CNOT1: variants seen among roughly 807,000 people sequenced by gnomAD.
The protein encoded by CNOT1 is CCR4-NOT transcription complex subunit 1.
Under a neutral mutation model 273.8 loss-of-function variants are expected in CNOT1, and 15 were observed. The observed-to-expected ratio is 0.05, with a 90% CI of 0.04 to 0.08. The LOEUF (loss-of-function observed/expected upper bound fraction) is 0.08. Ranked by LOEUF, CNOT1 falls within the 10% of genes least tolerant of loss-of-function variation. The pLI is 1.00. For synonymous variants in CNOT1, 1,022 were observed against 1,005.5 expected, an observed-to-expected ratio of 1.02 and a Z score of -0.31; for missense variants, 1,644 against 2,912.2, an observed-to-expected ratio of 0.56 and a Z score of 10.02.
chr16:58,574,886 G>A, intron 15 of CNOT1, 121 bp downstream of exon 15: 1 of 1,558,930 alleles, frequency 6.4e-7, no homozygotes, highest in Non-Finnish European at 8.6e-7. Context: ...ATTTAAAAAA[G>A]TTGTTTCTTT....
intron 8 of CNOT1, 41 bp from the exon 9 acceptor site, chr16:58,583,223 C>A (rs1372268586): frequency 6.2e-7 from 1 of 1,602,330 alleles, no homozygotes; most frequent in Admixed American, 1.7e-5. Flanking sequence ...CTACCAGCCT[C>A]AACACCGAGA....
intron 8 of CNOT1, among the ~76,000 whole-genome samples, chr16:58,584,800 A>G (rs2041780118): frequency 6.6e-6 from 1 of 152,230 alleles, no homozygotes; most frequent in Non-Finnish European, 1.5e-5. Flanking sequence ...AAGCACATTA[A>G]TCCCCTTAAT....
intron 34 of CNOT1, among the ~76,000 whole-genome samples, chr16:58,541,149 G>A (rs1482600891): frequency 6.6e-6 from 1 of 152,188 alleles, no homozygotes; most frequent in African/African-American, 2.4e-5. Context: ...AGGTTGCAAT[G>A]AGCTGAGATC....
intron 20 of CNOT1, 115 bp downstream of exon 20, chr16:58,555,668 CA>C (rs989975231): frequency 3.1e-5 from 48 of 1,543,986 alleles, no homozygotes; most frequent in Admixed American, 1.0e-4. Context: ...ATTAAGGTTT[CA>C]AAACACAAAC....
chr16:58,524,136 G>C (rs1186904680), intron 46 of CNOT1, among the ~76,000 whole-genome samples: 3 of 151,398 alleles, frequency 2.0e-5, no homozygotes, highest in Non-Finnish European at 2.9e-5. Context: ...TGTAATCCCA[G>C]CTCCTCGGGA....
At chr16:58,573,984 C>G (rs1322587774) in intron 16 of CNOT1, among the ~76,000 whole-genome samples, 1 of 152,060 alleles carries the variant, frequency 6.6e-6, no homozygotes, top group East Asian at 1.9e-4. Flanking sequence ...GGTATGGTGA[C>G]TCACACCTGT....
chr16:58,608,628 G>T lies in CNOT1; in HGVS notation c.-174-9117C>A, dbSNP rs921842883. ...ATCCCACCTACTGGGTATCTGTCCA[G>T]AAGAAAAGAAATTATTATACAAAAA... is the stretch of plus-strand genomic sequence containing the variant. On this transcript the variant is annotated intron_variant, in intron 1 of 48. Transcript: ENST00000317147. Among the ~76,000 whole-genome samples the T allele has an allele frequency of 4.2e-4, 60 of 143,624 alleles. 1 individual carries two copies. The highest frequency in any genetic ancestry group is 3.6e-3 in the Middle Eastern group (1 of 274). 94.2% of individuals were successfully genotyped at this position (143,624 alleles called of 152,430 possible). A position where few individuals can be genotyped will look rare whatever the true frequency, so the allele number is the denominator to read the frequency against.
intron 22 of CNOT1, among the ~76,000 whole-genome samples, chr16:58,552,462 C>A (rs2040484263): frequency 6.6e-6 from 1 of 152,156 alleles, no homozygotes; most frequent in African/African-American, 2.4e-5. Context: ...CTCTCTCTGG[C>A]TATCTTGCTA....
intron 1 of CNOT1, among the ~76,000 whole-genome samples, chr16:58,623,769 G>A (rs975299128): frequency 3.3e-5 from 5 of 152,124 alleles, no homozygotes; most frequent in South Asian, 2.1e-4. Flanking sequence ...TGGGTCGATC[G>A]CTTGAAGTCA....
intron 13 of CNOT1, among the ~76,000 whole-genome samples, chr16:58,578,169 A>T (rs748827299): frequency 6.6e-6 from 1 of 152,150 alleles, no homozygotes; most frequent in African/African-American, 2.4e-5. Context: ...ATTATTAAAT[A>T]TTGGCCGGGT....
chr16:58,532,482 T>G (rs572482239), intron 40 of CNOT1, 87 bp from the exon 41 acceptor site: 38 of 1,532,738 alleles, frequency 2.5e-5, no homozygotes, highest in Non-Finnish European at 3.2e-5. Flanking sequence ...TTTGCATTCT[T>G]AAACCCAACA....
chr16:58,547,061 C>A lies in CNOT1; in HGVS notation c.3750+125G>T, dbSNP rs2040280479. ...CCTCTCAAATTGGAAATCCAAGTGC[C>A]ATAGAGGAAAACAGACTTAACTAGC... is the stretch of plus-strand genomic sequence containing the variant. On this transcript the variant is annotated intron_variant, in intron 27 of 48. Transcript: ENST00000317147. The surrounding 1 kb of genome is among the most constrained non-coding windows in gnomAD (Gnocchi z 4.0). 3 of 1,318,144 alleles carry A rather than the reference C, an allele frequency of 2.3e-6. No individual in the cohort carries two copies. The highest frequency in any genetic ancestry group is 2.0e-6 in the Non-Finnish European group (2 of 982,758). 81.7% of individuals were successfully genotyped at this position (1,318,144 alleles called of 1,614,324 possible). A position where few individuals can be genotyped will look rare whatever the true frequency, so the allele number is the denominator to read the frequency against.
chr16:58,622,258 G>A (rs2043361829), intron 1 of CNOT1, among the ~76,000 whole-genome samples: 2 of 146,464 alleles, frequency 1.4e-5, no homozygotes, highest in African/African-American at 5.1e-5. Flanking sequence ...AGCTTGCAGT[G>A]AGCCGAGATG....
intron 12 of CNOT1, among the ~76,000 whole-genome samples, chr16:58,580,237 T>C (rs2041609439): frequency 6.8e-6 from 1 of 146,320 alleles, no homozygotes; most frequent in African/African-American, 2.5e-5. Context: ...ATCCCAAAAA[T>C]ATAAATAAGA....
chr16:58,558,386 C>T, intron 18 of CNOT1, 87 bp downstream of exon 18: 1 of 1,571,792 alleles, frequency 6.4e-7, no homozygotes, highest in Non-Finnish European at 8.6e-7. Flanking sequence ...TTCCTTATCA[C>T]AGTGACTCCA....
At chr16:58,563,707 T>A (rs2040939854) in intron 16 of CNOT1, among the ~76,000 whole-genome samples, 1 of 152,170 alleles carries the variant, frequency 6.6e-6, no homozygotes, top group East Asian at 1.9e-4. Flanking sequence ...TTGTCCCATA[T>A]CTCACCATAA....
At chr16:58,593,824 CTGA>C (rs1397216411) in intron 2 of CNOT1, among the ~76,000 whole-genome samples, 1 of 152,164 alleles carries the variant, frequency 6.6e-6, no homozygotes, top group African/African-American at 2.4e-5. Flanking sequence ...TATCCATCAA[CTGA>C]TGATACAGAT....
At chr16:58,559,352 T>A (rs1201396417) in intron 17 of CNOT1, among the ~76,000 whole-genome samples, 1 of 152,150 alleles carries the variant, frequency 6.6e-6, no homozygotes, top group Admixed American at 6.6e-5. Flanking sequence ...GGACACTTAT[T>A]ATATTAATAA....
intron 1 of CNOT1, among the ~76,000 whole-genome samples, chr16:58,604,896 C>T (rs1305637297): frequency 8.8e-5 from 13 of 147,120 alleles, no homozygotes; most frequent in South Asian, 8.7e-4. Context: ...CAGCACTTTG[C>T]GAGGCCGAGG....
Sources: gnomAD v4.1 joint callset for allele counts (sites outside exome capture counted in the v4.1 genomes callset) on GRCh38, gnomAD v4.1.1 for gene constraint, Gnocchi (gnomAD v3.1) non-coding constraint, MANE v1.5 for transcripts, NCBI Gene and HGNC (gene_info 2026-07-23, HGNC 2026-07-21) for gene names.